OTUD5: variants seen among roughly 807,000 people sequenced by gnomAD.
The protein encoded by OTUD5 is OTU domain-containing protein 5.
OTUD5 carries 2 observed loss-of-function variants against 36.3 expected under a neutral mutation model. The ratio of observed to expected loss-of-function variants is 0.06; its 90% CI spans 0.02 to 0.17. The LOEUF is 0.17. OTUD5 is among the 10% of genes least tolerant of loss of function. The pLI, the probability that OTUD5 is intolerant of heterozygous loss-of-function variation, is 1.00. For synonymous variants in OTUD5, 234 were observed against 214.9 expected, an observed-to-expected ratio of 1.09 and a Z score of -0.78; for missense variants, 233 against 512.3, an observed-to-expected ratio of 0.45 and a Z score of 5.26.
At chrX:48,948,711 C>G (rs1040271878) in intron 1 of OTUD5, among the ~76,000 whole-genome samples, 1 of 106,342 alleles carries the variant, frequency 9.4e-6, no homozygotes, top group Non-Finnish European at 1.9e-5. Flanking sequence ...AAATGTTGCT[C>G]AGGAAGGGCT....
At chrX:48,953,608 A>C (rs1363348508) in intron 1 of OTUD5, among the ~76,000 whole-genome samples, 1 of 111,030 alleles carries the variant, frequency 9.0e-6, no homozygotes, top group Non-Finnish European at 1.9e-5. Flanking sequence ...TGCCACACCC[A>C]GCTTTTTCCA....
chrX:48,957,467 C>T lies in OTUD5; in HGVS notation c.104G>A (p.Gly35Asp). 1.1e-6 allele frequency: 1 copy of T among 894,696 alleles called. No homozygotes were observed. The highest frequency in any genetic ancestry group is 1.4e-6 in the Non-Finnish European group (1 of 725,256). 73.7% of individuals were successfully genotyped at this position (894,696 alleles called of 1,213,427 possible). ...PMPPAPRRGG[G>D]VGVGGGGTGV... ...CGTGCCGCCGCCGCCCACGCCCACA[C>T]CTCCGCCGCGCCGCGGCGCCGGGGG... Residue 35 changes from glycine (G) to aspartate (D), a missense_variant, in exon 1 of 9, where the codon GGT becomes GAT. Physicochemically the swap from Gly to Asp is moderately conservative, Grantham distance 94 (BLOSUM62 -1). Transcript: ENST00000376488.
rs1282309899 is a variant in OTUD5 at position 48,957,493 on chromosome X, C to T, written c.78G>A (p.Met26Ile). 5 of 834,733 alleles carry T rather than the reference C, an allele frequency of 6.0e-6. 1 individual carries two copies. In the African/African-American group the frequency reaches 6.7e-5, roughly 11 times the overall value. 68.8% of individuals were successfully genotyped at this position (834,733 alleles called of 1,213,427 possible). A position where few individuals can be genotyped will look rare whatever the true frequency, so the allele number is the denominator to read the frequency against. ...CTCCGCCGCGCCGCGGCGCCGGGGG[C>T]ATCGGCCCGGGCGGCGGCGGCTCGT... ...PANEPPPPGP[M>I]PPAPRRGGGV... The change falls in exon 1 of 9, where the codon ATG becomes ATA. Residue 26 changes from methionine to isoleucine, a missense_variant. Transcript: ENST00000376488.
Position 48,953,700 on chromosome X carries a change from G to C in OTUD5, c.594+3277C>G, listed in dbSNP as rs369247526. Reference sequence around the variant, plus strand: ...ATGCTTACAGGCCAACCTTTTCATAGAGCAGACTCTCAGCAAGGCAGCCAT... The same window carrying C: ...ATGCTTACAGGCCAACCTTTTCATACAGCAGACTCTCAGCAAGGCAGCCAT... On this transcript the variant is annotated intron_variant, in intron 1 of 8. Coordinates refer to ENST00000376488, the MANE Select transcript of OTUD5 (RefSeq NM_001136157.2). Among the ~76,000 whole-genome samples the C allele has an allele frequency of 1.3e-4, 14 of 111,040 alleles. No homozygotes were observed. In the East Asian group the frequency reaches 3.7e-3, roughly 29 times the overall value.
chrX:48,956,543 T>A lies in OTUD5; in HGVS notation c.594+434A>T, dbSNP rs184722940. 3.8e-3 allele frequency among the ~76,000 whole-genome samples: 428 copies of A among 111,541 alleles called. 4 individuals carry two copies. The highest frequency in any genetic ancestry group is 0.014 in the African/African-American group (417 of 30,632). On this transcript the variant is annotated intron_variant, in intron 1 of 8. Transcript: ENST00000376488. ...CCGATCTCCGAGGTCTCCACCTTATTTGACTTTCCTGGAAGGGGAATCTCA... is the reference window on the plus strand; with the variant it reads ...CCGATCTCCGAGGTCTCCACCTTATATGACTTTCCTGGAAGGGGAATCTCA...
intron 1 of OTUD5, among the ~76,000 whole-genome samples, chrX:48,951,338 GGC>G (rs2064138697): frequency 8.9e-6 from 1 of 112,417 alleles, no homozygotes; most frequent in African/African-American, 3.2e-5. Flanking sequence ...CAGGGGGCCA[GGC>G]GTGGTGGCTC....
At chrX:48,929,628 C>T (rs930576595) in intron 5 of OTUD5, among the ~76,000 whole-genome samples, 5 of 104,704 alleles carry the variant, frequency 4.8e-5, no homozygotes, top group Admixed American at 3.1e-4. Flanking sequence ...GGCTGAGGCA[C>T]GAGAATTGCT....
At chrX:48,935,895 T>C (rs188276990) in intron 2 of OTUD5, among the ~76,000 whole-genome samples, 935 of 90,393 alleles carry the variant, frequency 0.01, 16 homozygotes, top group African/African-American at 0.039. Context: ...GCCGAGATCA[T>C]GCCACTGCAC....
chrX:48,924,893 G>T (rs941278810), intron 6 of OTUD5, among the ~76,000 whole-genome samples: 3 of 111,631 alleles, frequency 2.7e-5, no homozygotes, highest in Non-Finnish European at 5.7e-5. Flanking sequence ...TCACAAGGAC[G>T]GGGATCTTGG....
chrX:48,926,724 A>G (rs1462914642), intron 5 of OTUD5, among the ~76,000 whole-genome samples: 1 of 111,444 alleles, frequency 9.0e-6, no homozygotes, highest in East Asian at 2.8e-4. Context: ...CACACACATG[A>G]GCAGATGAGA....
At chrX:48,933,383 G>C (rs985192997) in intron 5 of OTUD5, among the ~76,000 whole-genome samples, 8 of 108,336 alleles carry the variant, frequency 7.4e-5, no homozygotes, top group Non-Finnish European at 1.5e-4. Context: ...TAATCATAGC[G>C]AGGCATATGG....
In OTUD5 at chrX:48,956,993, G is replaced by T; in HGVS notation, c.578C>A (p.Pro193His). 1 of 1,186,551 alleles carries T rather than the reference G, an allele frequency of 8.4e-7. No individual in the cohort carries two copies. Among genetic ancestry groups the T allele is most frequent in the East Asian group, 3.1e-5 (1 of 31,838 alleles). ...AAAARIEAMD[P>H]ATVEQQEHWF... Reference sequence around the variant, plus strand: ...AGCTCTTACCTGCTCGACAGTGGCAGGGTCCATAGCCTCGATGCGTGCTGC... The same window carrying T: ...AGCTCTTACCTGCTCGACAGTGGCATGGTCCATAGCCTCGATGCGTGCTGC... Residue 193 changes from proline (P) to histidine (H), a missense_variant, in exon 1 of 9, where the codon CCT (proline) becomes CAT (histidine). Pro to His is a moderately conservative substitution (Grantham distance 77). Transcript: ENST00000376488.
At chrX:48,928,076 A>G (rs1367808027) in intron 5 of OTUD5, among the ~76,000 whole-genome samples, 1 of 112,924 alleles carries the variant, frequency 8.9e-6, no homozygotes, top group African/African-American at 3.2e-5. Context: ...ATGAGATACC[A>G]CTACACACCT....
intron 1 of OTUD5, among the ~76,000 whole-genome samples, chrX:48,949,504 C>G (rs782544238): frequency 1.8e-5 from 2 of 110,078 alleles, no homozygotes; most frequent in Non-Finnish European, 3.8e-5. Context: ...ATGGTGAAAC[C>G]CTATCTCTAC....
Position 48,922,415 on chromosome X carries a change from C to A in OTUD5, c.*759G>T. ...GGTGGTGGAAGCAAAAGGAATGCAG[C>A]AAGGTCAGGGTTTCATTGTCCAAGC... On this transcript the variant is annotated 3_prime_UTR_variant, in exon 9 of 9. Coordinates refer to ENST00000376488, the MANE Select transcript of OTUD5 (RefSeq NM_001136157.2). 2.5e-6 allele frequency: 1 copy of A among 408,040 alleles called. No homozygotes were observed. The highest frequency in any genetic ancestry group is 3.1e-6 in the Non-Finnish European group (1 of 322,872). The allele number at this position is 408,040 out of a possible 1,213,427, so 33.6% of individuals were successfully genotyped here.
intron 2 of OTUD5, among the ~76,000 whole-genome samples, chrX:48,943,958 G>A (rs1179818830): frequency 1.8e-5 from 2 of 111,944 alleles, no homozygotes; most frequent in Non-Finnish European, 1.9e-5. Context: ...GTGTCCCAAA[G>A]GATATTATTT....
In OTUD5 at chrX:48,934,471, T is replaced by G; in HGVS notation, c.1052A>C (p.Lys351Thr). The change falls in exon 5 of 9, where the codon AAA becomes ACA. Residue 351 changes from lysine to threonine, a missense_variant. Physicochemically the swap from Lys to Thr is moderately conservative, Grantham distance 78. Transcript: ENST00000376488. ...IGVGLGLPSF[K>T]PGFAEQSLMK... The stretch of plus-strand genomic sequence containing the variant: ...GCACAGGGACCCACTCACCCCTGGT[T>G]TGAATGATGGCAGGCCCAGCCCCAC... 8.3e-7 allele frequency: 1 copy of G among 1,210,287 alleles called. No homozygotes were observed. The highest frequency in any genetic ancestry group is 1.1e-6 in the Non-Finnish European group (1 of 894,456).
chrX:48,940,779 T>C (rs1557050838), intron 2 of OTUD5: 3 of 111,654 alleles, frequency 2.7e-5, no homozygotes, highest in African/African-American at 9.8e-5. Context: ...AGGCTCAGGT[T>C]CCCACCTCCA....
At chrX:48,943,716 T>A (rs782294817) in intron 2 of OTUD5, among the ~76,000 whole-genome samples, 12 of 111,614 alleles carry the variant, frequency 1.1e-4, no homozygotes, top group African/African-American at 3.6e-4. Context: ...GGTATAAACC[T>A]AGGGGTCATA....
Sources: allele counts gnomAD v4.1 joint callset (sites outside exome capture counted in the v4.1 genomes callset), GRCh38; gene constraint gnomAD v4.1.1; transcripts MANE v1.5; gene names NCBI Gene and HGNC (gene_info 2026-07-23, HGNC 2026-07-21).